ERAP1: variants seen among roughly 807,000 people sequenced by gnomAD.
ERAP1 encodes adipocyte-derived leucine aminopeptidase.
Under a neutral mutation model 103.7 loss-of-function variants are expected in ERAP1, and 86 were observed. The ratio of observed to expected loss-of-function variants is 0.83; its 90% confidence interval spans 0.70 to 0.99. ERAP1 has a LOEUF of 0.99. Ranked by LOEUF, ERAP1 falls within the 50% of genes least tolerant of loss-of-function variation. The probability of loss-of-function intolerance (pLI) is 0.00; values close to 1 mark genes in which losing one functional copy is unlikely to be tolerated. For synonymous variants in ERAP1, 398 were observed against 402.4 expected, an observed-to-expected ratio of 0.99 and a Z score of 0.13; for missense variants, 1,009 against 1,128.4, an observed-to-expected ratio of 0.89 and a Z score of 1.52.
the ERAP1 span, among the ~76,000 whole-genome samples, chr5:96,832,790 A>G: frequency 2.0e-5 from 3 of 152,022 alleles, no homozygotes; most frequent in African/African-American, 7.2e-5. Flanking sequence ...GTTCTTCCAC[A>G]CTGCTTGAAT....
At chr5:96,924,123 T>A in the ERAP1 span, among the ~76,000 whole-genome samples, 1 of 152,264 alleles carries the variant, frequency 6.6e-6, no homozygotes, top group Admixed American at 6.5e-5. Flanking sequence ...CTGATCCTGC[T>A]AGTACACGAT....
chr5:96,831,650 A>G, the ERAP1 span, among the ~76,000 whole-genome samples: 1 of 152,250 alleles, frequency 6.6e-6, no homozygotes, highest in Non-Finnish European at 1.5e-5. Context: ...TCTCAAAGTC[A>G]ATTAGATATA....
At chr5:96,911,615 G>T in the ERAP1 span, among the ~76,000 whole-genome samples, 1 of 151,996 alleles carries the variant, frequency 6.6e-6, no homozygotes, top group Non-Finnish European at 1.5e-5. Context: ...GCCAAGTGCC[G>T]TAGCTCATGC....
At chr5:96,917,331 G>C in the ERAP1 span, 7 of 674,754 alleles carry the variant, frequency 1.0e-5, no homozygotes, top group South Asian at 2.0e-5. Context: ...ATGTTGCCTA[G>C]GCTCGTATTG....
At chr5:96,889,331 C>T in the ERAP1 span, 5 of 1,613,314 alleles carry the variant, frequency 3.1e-6, no homozygotes, top group Non-Finnish European at 4.2e-6. Flanking sequence ...ACATTATTGT[C>T]TTCATTTTTG....
chr5:96,866,428 G>C, the ERAP1 span, among the ~76,000 whole-genome samples: 1 of 152,148 alleles, frequency 6.6e-6, no homozygotes, highest in Non-Finnish European at 1.5e-5. Context: ...AAAACAAATA[G>C]ACAAACATCA....
At position 96,775,839 on chromosome 5, in the gene ERAP1, G is replaced by A. The variant is rs148667753; in HGVS notation, c.*557C>T. The A allele has an allele frequency of 8.1e-6, 4 of 491,510 alleles. No individual in the cohort carries two copies. The highest frequency in any genetic ancestry group is 1.1e-5 in the Non-Finnish European group (4 of 377,708). 30.4% of individuals were successfully genotyped at this position (491,510 alleles called of 1,614,324 possible). ...CTCCGACCCCAGCTCCAGCTCTCCG[G>A]CTCCCCACTGACCAACATCCAAAGG... On this transcript the variant is annotated 3_prime_UTR_variant, in exon 19 of 19. Coordinates refer to ENST00000443439, the MANE Select transcript of ERAP1 (RefSeq NM_001040458.3).
At position 96,790,207 on chromosome 5, in the gene ERAP1, C is replaced by T. The variant is rs26510; in HGVS notation, c.1524+89G>A. On this transcript the variant is annotated intron_variant, in intron 10 of 18. Transcript: ENST00000443439. ...GGAATGAGGGTGATATAATCAAGGACCTCAGAAAGTTTGGCACAGAGCTGC... is the reference window on the plus strand; with the variant it reads ...GGAATGAGGGTGATATAATCAAGGATCTCAGAAAGTTTGGCACAGAGCTGC... 674,732 of 1,064,342 alleles carry T rather than the reference C, an allele frequency of 0.63. 215,568 individuals carry two copies. The highest frequency in any genetic ancestry group is 0.66 in the Non-Finnish European group (452,810 of 690,688). 65.9% of individuals were successfully genotyped at this position (1,064,342 alleles called of 1,614,324 possible). A position where few individuals can be genotyped will look rare whatever the true frequency, so the allele number is the denominator to read the frequency against.
chr5:96,902,299 T>A, the ERAP1 span: 4 of 1,611,714 alleles, frequency 2.5e-6, no homozygotes, highest in South Asian at 4.4e-5. Context: ...CCCATTGACC[T>A]ACTCCACGAG....
chr5:96,888,522 A>G, the ERAP1 span, among the ~76,000 whole-genome samples: 2 of 152,258 alleles, frequency 1.3e-5, no homozygotes, highest in African/African-American at 4.8e-5. Flanking sequence ...AGTGCCTGGT[A>G]AACTGTCAAA....
chr5:96,837,892 C>G, the ERAP1 span, among the ~76,000 whole-genome samples: 1 of 152,152 alleles, frequency 6.6e-6, no homozygotes, highest in Non-Finnish European at 1.5e-5. Flanking sequence ...TCCCCAGAGT[C>G]CCGCCATCCC....
chr5:96,917,751 A>C, the ERAP1 span: 2 of 505,488 alleles, frequency 4.0e-6, no homozygotes, highest in African/African-American at 2.0e-5. Flanking sequence ...CTAAAAATAC[A>C]AAAAATTAGC....
chr5:96,912,196 AAAAAAAAAG>A, the ERAP1 span, among the ~76,000 whole-genome samples: 2 of 150,034 alleles, frequency 1.3e-5, no homozygotes, highest in Non-Finnish European at 3.0e-5. Flanking sequence ...CTCAAAAAAA[AAAAAAAAAG>A]AAAAGAAAAG....
the ERAP1 span, among the ~76,000 whole-genome samples, chr5:96,890,456 C>T: frequency 2.6e-5 from 4 of 152,198 alleles, no homozygotes; most frequent in East Asian, 7.7e-4. Context: ...AGCCCAGTTT[C>T]TAATAGGCCA....
the ERAP1 span, among the ~76,000 whole-genome samples, chr5:96,909,360 C>T: frequency 6.6e-6 from 1 of 152,192 alleles, no homozygotes; most frequent in African/African-American, 2.4e-5. Context: ...CATTGATATT[C>T]CCCTTTCAGA....
chr5:96,794,819 CA>C (rs1777167151), intron 5 of ERAP1, among the ~76,000 whole-genome samples: 1 of 152,206 alleles, frequency 6.6e-6, no homozygotes, highest in African/African-American at 2.4e-5. Flanking sequence ...CCATATGCCT[CA>C]AGAACTCTAT....
chr5:96,891,557 CA>C, the ERAP1 span, among the ~76,000 whole-genome samples: 1 of 144,768 alleles, frequency 6.9e-6, no homozygotes, highest in African/African-American at 2.6e-5. Flanking sequence ...CACACACACA[CA>C]CACACATATA....
chr5:96,873,367 G>A, the ERAP1 span: 4 of 456,138 alleles, frequency 8.8e-6, no homozygotes, highest in South Asian at 6.2e-5. Context: ...TCCATTGCCT[G>A]AAGTTGATAA....
chr5:96,765,152 TC>T (rs1769401847), intron 19 of ERAP1: 1 of 876,278 alleles, frequency 1.1e-6, no homozygotes, highest in Admixed American at 2.0e-5. Context: ...AAGATGGAGT[TC>T]CTGGGCTAAT....
Sources: gnomAD v4.1 joint callset for allele counts (sites outside exome capture counted in the v4.1 genomes callset) on GRCh38, gnomAD v4.1.1 for gene constraint, MANE v1.5 for transcripts, NCBI Gene and HGNC (gene_info 2026-07-23, HGNC 2026-07-21) for gene names.